ANO7: variants seen among roughly 807,000 people sequenced by gnomAD.
The protein encoded by ANO7 is anoctamin 7, also known as anoctamin-7.
Under a neutral mutation model 115.8 loss-of-function variants are expected in ANO7, and 114 were observed. The observed-to-expected ratio is 0.98, with a 90% confidence interval of 0.85 to 1.15. ANO7 has a LOEUF of 1.15. Ranked by LOEUF, ANO7 falls within the 50% of genes most tolerant of loss-of-function variation. ANO7 has a pLI of 0.00. For missense variants in ANO7, 1,302 were observed against 1,201.2 expected (o/e 1.08, Z -1.24); for synonymous variants, 550 against 498.2 (o/e 1.10, Z -1.38).
At chr2:241,201,515 G>A (rs565893234) in intron 7 of ANO7, among the ~76,000 whole-genome samples, 160 bp downstream of exon 7, 5 of 152,260 alleles carry the variant, frequency 3.3e-5, no homozygotes, top group South Asian at 4.1e-4. Context: ...ACCTCACCTC[G>A]CTACACAGGG....
chr2:241,193,108 T>A lies in ANO7; in HGVS notation c.166+1857T>A, dbSNP rs1355753538. 2.0e-5 allele frequency among the ~76,000 whole-genome samples: 3 copies of A among 152,104 alleles called. No individual in the cohort carries two copies. The East Asian group carries it at 5.8e-4, about 29-fold the overall frequency. On this transcript the variant is annotated intron_variant, in intron 3 of 24. Coordinates refer to ENST00000674324, the MANE Select transcript of ANO7 (RefSeq NM_001370694.2). ...TGTTTTTTTTGAGATGGAGTCTCACTCTCACCCAGGCTGGAATGCAGTGGC... is the reference window on the plus strand; with the variant it reads ...TGTTTTTTTTGAGATGGAGTCTCACACTCACCCAGGCTGGAATGCAGTGGC...
chr2:241,198,736 G>C (rs530166731), intron 4 of ANO7, among the ~76,000 whole-genome samples: 60 of 152,336 alleles, frequency 3.9e-4, no homozygotes, highest in Admixed American at 5.2e-4. Flanking sequence ...TGCACTCAGA[G>C]GAGGCACTTC....
chr2:241,226,672 C>G (rs568579482), downstream of ANO7, among the ~76,000 whole-genome samples: 16 of 152,316 alleles, frequency 1.1e-4, no homozygotes, highest in African/African-American at 3.8e-4. Context: ...GATCCGCCCA[C>G]CTCGGCTTCC....
the ANO7 span, chr2:241,231,432 C>T: frequency 2.6e-5 from 4 of 152,736 alleles, no homozygotes; most frequent in South Asian, 4.1e-4. Flanking sequence ...CCTATGTCCA[C>T]TCAGCTTCCA....
Position 241,203,517 on chromosome 2 carries a change from C to G in ANO7, c.889+19C>G. ...TGGCTCGGTGAGTCCCCCCCGCTGC[C>G]CCCCAGACCACCTGGGCCCCCCCAG... On this transcript the variant is annotated intron_variant, in intron 9 of 24. Coordinates refer to ENST00000674324, the MANE Select transcript of ANO7 (RefSeq NM_001370694.2). The surrounding 1 kb of genome is among the most constrained non-coding windows in gnomAD (Gnocchi z 4.8). The G allele has an allele frequency of 6.9e-7, 1 of 1,442,560 alleles. No individual in the cohort carries two copies. The highest frequency in any genetic ancestry group is 9.1e-7 in the Non-Finnish European group (1 of 1,093,414). The allele number at this position is 1,442,560 out of a possible 1,614,324, so 89.4% of individuals were successfully genotyped here. A position where few individuals can be genotyped will look rare whatever the true frequency, so the allele number is the denominator to read the frequency against.
chr2:241,209,784 G>A (rs550305514), intron 13 of ANO7, 149 bp downstream of exon 13: 89 of 1,222,314 alleles, frequency 7.3e-5, no homozygotes, highest in African/African-American at 6.9e-4. Context: ...CCATGTGCCC[G>A]GGCTCGGCCG....
At chr2:241,221,955 C>T (rs889614691) in intron 21 of ANO7, among the ~76,000 whole-genome samples, 8 of 152,178 alleles carry the variant, frequency 5.3e-5, no homozygotes, top group Non-Finnish European at 1.2e-4. Context: ...ACTGGGATGG[C>T]CGGGCGCGGG....
chr2:241,217,220 A>C (rs2068852364), intron 19 of ANO7, among the ~76,000 whole-genome samples: 1 of 152,220 alleles, frequency 6.6e-6, no homozygotes, highest in African/African-American at 2.4e-5. Context: ...GAAAGGGAGC[A>C]GGCCAGTTCC....
At position 241,195,699 on chromosome 2, in the gene ANO7, C is replaced by T; in HGVS notation, c.167-4C>T. 6.2e-7 allele frequency: 1 copy of T among 1,613,862 alleles called. No homozygotes were observed. Among genetic ancestry groups the T allele is most frequent in the Non-Finnish European group, 8.5e-7 (1 of 1,179,962 alleles). The stretch of plus-strand genomic sequence containing the variant: ...CTCCTGCCTCTGTCCCTGTTGGCTC[C>T]CAGCAGACTTCGTCCTCGTTTGGGA... On this transcript the variant is annotated splice_polypyrimidine_tract_variant and splice_region_variant and intron_variant, in intron 3 of 24. Coordinates refer to ENST00000674324, the MANE Select transcript of ANO7 (RefSeq NM_001370694.2).
At chr2:241,190,321 C>G in intron 2 of ANO7, 150 bp downstream of exon 2, 1 of 650,024 alleles carries the variant, frequency 1.5e-6, no homozygotes, top group Admixed American at 2.8e-5. Context: ...CCTCGCCACC[C>G]AGTCCTCAAC....
rs1304788820 is a variant in ANO7, at chr2:241,216,097, C to G, written c.1831C>G (p.Leu611Val). 6.2e-7 allele frequency: 1 copy of G among 1,606,118 alleles called. No individual in the cohort carries two copies. The highest frequency in any genetic ancestry group is 1.7e-5 in the Admixed American group (1 of 57,854). The stretch of plus-strand genomic sequence containing the variant: ...TTCCTGTATTCCCGTCCCCAGGAAG[C>G]TAAAGGGCTGGTGGCAGAAGTTCCG... ...NNMQEVLIPK[L>V]KGWWQKFRLR... Residue 611 changes from leucine (L) to valine (V), a missense_variant, in exon 19 of 25, where the codon CTA (leucine) becomes GTA (valine). Coordinates refer to ENST00000674324, the MANE Select transcript of ANO7 (RefSeq NM_001370694.2).
chr2:241,239,487 T>G, the ANO7 span: 1 of 827,014 alleles, frequency 1.2e-6, no homozygotes, highest in Non-Finnish European at 2.0e-6. This position sits in a 1 kb window ranked among gnomAD's most constrained non-coding sequence, Gnocchi z 4.6. Context: ...TCTGAAGCCT[T>G]CCAGGGCTGT....
At chr2:241,223,986 C>G (rs368776868) in intron 24 of ANO7, 31 bp downstream of exon 24, 11 of 1,613,792 alleles carry the variant, frequency 6.8e-6, no homozygotes, top group Middle Eastern at 1.6e-4. Flanking sequence ...GCCCCTGCCC[C>G]GTGCACTCCC....
chr2:241,200,789 G>A (rs750388621), intron 6 of ANO7, among the ~76,000 whole-genome samples: 2 of 152,240 alleles, frequency 1.3e-5, no homozygotes, highest in African/African-American at 2.4e-5. Flanking sequence ...CCTCCTTTTG[G>A]GGCTGGTGGG....
chr2:241,236,735 C>T, the ANO7 span: 8 of 1,614,158 alleles, frequency 5.0e-6, no homozygotes, highest in Non-Finnish European at 6.8e-6. Flanking sequence ...CAGCTTCGTC[C>T]CCATTCTCCT....
chr2:241,190,573 G>C (rs751237359), intron 2 of ANO7, among the ~76,000 whole-genome samples: 21 of 152,236 alleles, frequency 1.4e-4, no homozygotes, highest in Non-Finnish European at 2.8e-4. Flanking sequence ...GTGAGCCTGT[G>C]GGGAGAGGCT....
intron 17 of ANO7, among the ~76,000 whole-genome samples, chr2:241,214,128 T>A (rs1303353207): frequency 1.3e-5 from 2 of 151,952 alleles, no homozygotes; most frequent in East Asian, 3.9e-4. Flanking sequence ...CTACTAAAAA[T>A]GCAAAAATTG....
Position 241,224,411 on chromosome 2 carries a change from G to A in ANO7, c.*258G>A, listed in dbSNP as rs1410472398. The stretch of plus-strand genomic sequence containing the variant: ...CTGCTCCCAGACATAAGCCCAAGGG[G>A]CCCCTGCACCCAAGGGACCCTGTCC... On this transcript the variant is annotated 3_prime_UTR_variant, in exon 25 of 25. Transcript: ENST00000674324. The A allele has an allele frequency of 1.9e-6, 1 of 524,568 alleles. No individual in the cohort carries two copies. The highest frequency in any genetic ancestry group is 2.2e-5 in the South Asian group (1 of 45,096). 32.5% of individuals were successfully genotyped at this position (524,568 alleles called of 1,614,324 possible).
At chr2:241,239,687 G>C in the ANO7 span, 2 of 1,614,126 alleles carry the variant, frequency 1.2e-6, no homozygotes, top group Admixed American at 1.7e-5. This position sits in a 1 kb window ranked among gnomAD's most constrained non-coding sequence, Gnocchi z 4.6. Flanking sequence ...GTCGCTCTGT[G>C]TGCCAGAGCG....
Sources: gnomAD v4.1 joint callset for allele counts (sites outside exome capture counted in the v4.1 genomes callset) on GRCh38, gnomAD v4.1.1 for gene constraint, Gnocchi (gnomAD v3.1) non-coding constraint, MANE v1.5 for transcripts, NCBI Gene and HGNC (gene_info 2026-07-23, HGNC 2026-07-21) for gene names.